CCDC178: variants seen among roughly 807,000 people sequenced by gnomAD.
CCDC178 encodes the protein coiled-coil domain-containing protein 178.
Under a neutral mutation model 117.4 loss-of-function variants are expected in CCDC178, and 126 were observed. The observed-to-expected ratio is 1.07, with a 90% CI of 0.93 to 1.24. The LOEUF is 1.24. CCDC178 is among the 50% of genes most tolerant of loss of function. CCDC178 has a pLI of 0.00. For missense variants in CCDC178, 1,030 were observed against 986.9 expected (o/e 1.04, Z -0.59); for synonymous variants, 283 against 313.4 (o/e 0.90, Z 1.02).
intron 14 of CCDC178, among the ~76,000 whole-genome samples, chr18:33,265,617 A>T (rs2059802915): frequency 6.6e-6 from 1 of 152,012 alleles, no homozygotes; most frequent in African/African-American, 2.4e-5. Flanking sequence ...GAACCAAGTA[A>T]TAAGGGTGAA....
rs534953007 is a variant in CCDC178 at position 33,263,057 on chromosome 18, T to C, written c.1409+3859A>G. Among the ~76,000 whole-genome samples, 399 of 152,274 alleles carry C rather than the reference T, an allele frequency of 2.6e-3. 4 individuals are homozygous for C. In the Middle Eastern group the frequency reaches 0.041, roughly 16 times the overall value. On this transcript the variant is annotated intron_variant, in intron 14 of 22. Coordinates refer to ENST00000383096, the MANE Select transcript of CCDC178 (RefSeq NM_001105528.4). ...GAATTCAATAGAGGTTGAACAAATA[T>C]TCAACCTCCCTAGTAATCAAATAAA...
At chr18:33,213,460 G>A (rs1198568071) in intron 19 of CCDC178, among the ~76,000 whole-genome samples, 1 of 151,878 alleles carries the variant, frequency 6.6e-6, no homozygotes, top group Non-Finnish European at 1.5e-5. Context: ...CAATGATATT[G>A]ACATCTTGGA....
At chr18:33,183,900 T>C (rs927656941) in intron 20 of CCDC178, among the ~76,000 whole-genome samples, 3 of 152,118 alleles carry the variant, frequency 2.0e-5, no homozygotes, top group Non-Finnish European at 4.4e-5. Flanking sequence ...AATGAAAAAT[T>C]ATCTGGGGAG....
chr18:33,241,429 CGTGTGTGTGTGTGTGT>C (rs60878431), intron 15 of CCDC178, among the ~76,000 whole-genome samples: 4 of 144,916 alleles, frequency 2.8e-5, no homozygotes, highest in South Asian at 2.2e-4. Context: ...ATTATATGAT[CGTGTGTGTGTGTGTGT>C]GTGTGTGTGT....
At chr18:33,111,801 A>C (rs1462333476) in intron 20 of CCDC178, among the ~76,000 whole-genome samples, 2 of 151,748 alleles carry the variant, frequency 1.3e-5, no homozygotes, top group Admixed American at 6.6e-5. Context: ...AGATAAAATA[A>C]CTGGGTAGAA....
intron 21 of CCDC178, among the ~76,000 whole-genome samples, chr18:33,047,127 T>C (rs56979294): frequency 6.6e-6 from 1 of 152,204 alleles, no homozygotes; most frequent in African/African-American, 2.4e-5. Context: ...TTTATGCTAC[T>C]TTAAAAAATT....
chr18:33,206,546 T>C (rs1480872757), intron 20 of CCDC178, among the ~76,000 whole-genome samples: 1 of 152,088 alleles, frequency 6.6e-6, no homozygotes, highest in African/African-American at 2.4e-5. Context: ...AAGTAAAAAA[T>C]TGTATTTCAT....
chr18:32,983,186 T>C, intron 21 of CCDC178: 2 of 687,520 alleles, frequency 2.9e-6, no homozygotes, highest in Admixed American at 5.3e-5. Context: ...GAATTGGGAG[T>C]AGGTACATGG....
rs564793450 is a variant in CCDC178 at position 33,224,791 on chromosome 18, T to C, written c.1802A>G (p.Asp601Gly). 4.9e-5 allele frequency: 75 copies of C among 1,537,398 alleles called. No homozygotes were observed. The Admixed American group carries it at 8.0e-4, about 16-fold the overall frequency. The change falls in exon 17 of 23, where the codon GAC (aspartate) becomes GGC (glycine). Residue 601 changes from aspartate to glycine, a missense_variant. Physicochemically the swap from Asp to Gly is moderately conservative, Grantham distance 94. Coordinates refer to ENST00000383096, the MANE Select transcript of CCDC178 (RefSeq NM_001105528.4). ...AATGCTTACAACAGAATGTTCTTTG[T>C]CGAGACTTCTGATTCTTTCAGCTTC... ...EDEAERIRSLDKEHSVMLNNI... is the reference protein window; with the variant it reads ...EDEAERIRSLGKEHSVMLNNI...
chr18:33,325,853 G>C (rs911892916), intron 10 of CCDC178, among the ~76,000 whole-genome samples: 7 of 152,136 alleles, frequency 4.6e-5, no homozygotes, highest in African/African-American at 1.7e-4. Context: ...AACTTATATA[G>C]TATAGAATGA....
At chr18:33,053,426 G>A (rs947674172) in intron 21 of CCDC178, among the ~76,000 whole-genome samples, 1 of 152,140 alleles carries the variant, frequency 6.6e-6, no homozygotes, top group Admixed American at 6.5e-5. Context: ...TTGAAATGGT[G>A]GACGGACATA....
intron 5 of CCDC178, among the ~76,000 whole-genome samples, chr18:33,379,198 T>TATATATATTTCCATATATATATA (rs2063407758): frequency 1.3e-5 from 1 of 75,614 alleles, no homozygotes; most frequent in African/African-American, 4.6e-5. Flanking sequence ...ATATATATAA[T>TATATATATTTCCATATATATATA]ATATATATAT....
At chr18:33,117,757 A>T (rs2057878642) in intron 20 of CCDC178, among the ~76,000 whole-genome samples, 1 of 152,030 alleles carries the variant, frequency 6.6e-6, no homozygotes, top group Non-Finnish European at 1.5e-5. Flanking sequence ...TAATCTAGAT[A>T]TGGACTTGCC....
chr18:33,152,386 C>A (rs1172206518), intron 20 of CCDC178, among the ~76,000 whole-genome samples: 1 of 151,934 alleles, frequency 6.6e-6, no homozygotes, highest in African/African-American at 2.4e-5. Flanking sequence ...TGAATCTGGG[C>A]TTAAGCATGT....
chr18:33,007,858 TG>T (rs1350095675), intron 21 of CCDC178, among the ~76,000 whole-genome samples: 1 of 152,090 alleles, frequency 6.6e-6, no homozygotes, highest in Non-Finnish European at 1.5e-5. Context: ...TCCTTCCTAA[TG>T]TATGAAAATG....
chr18:33,239,438 T>C (rs1012263994), intron 15 of CCDC178, among the ~76,000 whole-genome samples: 2 of 150,870 alleles, frequency 1.3e-5, no homozygotes, highest in Non-Finnish European at 3.0e-5. Flanking sequence ...GACCCAACTA[T>C]ATGCTGCCTA....
At chr18:33,279,959 G>T (rs996173537) in intron 12 of CCDC178, among the ~76,000 whole-genome samples, 1 of 151,524 alleles carries the variant, frequency 6.6e-6, no homozygotes, top group Non-Finnish European at 1.5e-5. Flanking sequence ...ATTAAAGACG[G>T]ATTAAAGACT....
chr18:33,085,405 T>C (rs796231702), intron 21 of CCDC178, among the ~76,000 whole-genome samples: 33 of 151,894 alleles, frequency 2.2e-4, no homozygotes, highest in African/African-American at 8.0e-4. Context: ...CTACTAAAAA[T>C]ACAAAAAATT....
intron 11 of CCDC178, among the ~76,000 whole-genome samples, chr18:33,305,661 T>C (rs1893292591): frequency 6.6e-6 from 1 of 152,244 alleles, no homozygotes; most frequent in East Asian, 1.9e-4. Context: ...TTTACTCTTA[T>C]GTCTGTGAAA....
Sources: gnomAD v4.1 joint callset for allele counts (sites outside exome capture counted in the v4.1 genomes callset) on GRCh38, gnomAD v4.1.1 for gene constraint, MANE v1.5 for transcripts, NCBI Gene and HGNC (gene_info 2026-07-23, HGNC 2026-07-21) for gene names.